Variants in TANC2 observed in about 807,000 individuals in gnomAD.
TANC2 encodes protein TANC2.
TANC2 carries 26 observed loss-of-function variants against 210.5 expected under a neutral mutation model. That is an observed-to-expected ratio of 0.12 (90% CI 0.09 to 0.17). The LOEUF (loss-of-function observed/expected upper bound fraction) is 0.17. TANC2 is among the 10% of genes least tolerant of loss of function. TANC2 has a pLI of 1.00. For missense variants in TANC2, 2,129 were observed against 2,608.9 expected, an observed-to-expected ratio of 0.82 and a Z score of 4.01; for synonymous variants, 931 against 967.1, an observed-to-expected ratio of 0.96 and a Z score of 0.69.
chr17:63,375,677 G>T (rs1266339021), intron 14 of TANC2, among the ~76,000 whole-genome samples: 1 of 152,230 alleles, frequency 6.6e-6, no homozygotes. Context: ...ACAGAATTTT[G>T]AGATCTTGAG....
intron 2 of TANC2, among the ~76,000 whole-genome samples, chr17:63,051,952 A>G (rs755613475): frequency 1.3e-5 from 2 of 152,164 alleles, no homozygotes; most frequent in Non-Finnish European, 2.9e-5. Context: ...TGGGTTTATC[A>G]AGACATAACC....
rs923656308 is a variant in TANC2 at position 63,184,655 on chromosome 17, C to T, written c.434-9336C>T. 5.0e-5 allele frequency among the ~76,000 whole-genome samples: 7 copies of T among 140,116 alleles called. No homozygotes were observed. In the East Asian group the frequency reaches 8.4e-4, roughly 17 times the overall value. The allele number at this position is 140,116 out of a possible 152,430, so 91.9% of individuals were successfully genotyped here. On this transcript the variant is annotated intron_variant, in intron 5 of 27. Transcript: ENST00000689528. ...TAAATAAAATCATTTAGTATGTATT[C>T]TTTTTTTTTTTTTTTGGAGATGGAG...
At chr17:63,044,894 C>G (rs2035320280) in intron 2 of TANC2, among the ~76,000 whole-genome samples, 1 of 151,830 alleles carries the variant, frequency 6.6e-6, no homozygotes, top group African/African-American at 2.4e-5. Context: ...TCTTTATATC[C>G]TTTATGCATT....
intron 11 of TANC2, among the ~76,000 whole-genome samples, chr17:63,326,668 T>C (rs1184371433): frequency 1.3e-5 from 2 of 152,138 alleles, no homozygotes; most frequent in East Asian, 3.9e-4. Flanking sequence ...AGGTATGGGC[T>C]GCAGTGAGCC....
chr17:63,206,846 A>G (rs186499881), intron 7 of TANC2, among the ~76,000 whole-genome samples: 1 of 152,358 alleles, frequency 6.6e-6, no homozygotes, highest in Admixed American at 6.5e-5. Context: ...CCCCTGAATT[A>G]TACACTTAAA....
At chr17:63,262,399 G>A (rs1425480950) in intron 8 of TANC2, among the ~76,000 whole-genome samples, 2 of 152,068 alleles carry the variant, frequency 1.3e-5, no homozygotes, top group Non-Finnish European at 2.9e-5. Flanking sequence ...TTGATGCCCC[G>A]GCTGGTCTTA....
At chr17:63,219,112 A>G (rs1270877442) in intron 7 of TANC2, among the ~76,000 whole-genome samples, 1 of 152,174 alleles carries the variant, frequency 6.6e-6, no homozygotes, top group East Asian at 1.9e-4. Flanking sequence ...AAATTAACAA[A>G]GATATGTGGG....
At chr17:63,103,525 T>G (rs1320234452) in intron 4 of TANC2, among the ~76,000 whole-genome samples, 7 of 152,188 alleles carry the variant, frequency 4.6e-5, no homozygotes, top group Admixed American at 4.6e-4. Context: ...CAGCTCTGAG[T>G]GTCACGTCAC....
intron 1 of TANC2, among the ~76,000 whole-genome samples, chr17:62,980,811 C>T (rs1300153940): frequency 6.6e-6 from 1 of 152,196 alleles, no homozygotes; most frequent in East Asian, 1.9e-4. Flanking sequence ...AGTCTTAATT[C>T]TTTCATCTCA....
chr17:63,100,313 CA>C (rs201329406), intron 4 of TANC2, among the ~76,000 whole-genome samples: 1,522 of 152,168 alleles, frequency 0.01, 9 homozygotes, highest in Non-Finnish European at 0.013. Flanking sequence ...AAAATAATAG[CA>C]TTTCTTCTAT....
At chr17:63,416,266 C>A (rs1004480451) in intron 26 of TANC2, among the ~76,000 whole-genome samples, 1 of 152,294 alleles carries the variant, frequency 6.6e-6, no homozygotes, top group Non-Finnish European at 1.5e-5. Flanking sequence ...ACCTTGCAGA[C>A]CCATCTCACA....
At chr17:63,150,530 C>T (rs769944336) in intron 4 of TANC2, 6 of 152,132 alleles carry the variant, frequency 3.9e-5, no homozygotes, top group Non-Finnish European at 5.9e-5. Flanking sequence ...GATTCCATGG[C>T]ATGAGATATT....
chr17:63,336,552 T>G (rs1464830044), intron 11 of TANC2, among the ~76,000 whole-genome samples: 1 of 152,250 alleles, frequency 6.6e-6, no homozygotes, highest in Non-Finnish European at 1.5e-5. Flanking sequence ...CAAGGCTGTA[T>G]TGACTTCTAG....
intron 5 of TANC2, among the ~76,000 whole-genome samples, chr17:63,171,948 C>T (rs1181135554): frequency 2.6e-5 from 4 of 152,136 alleles, no homozygotes; most frequent in African/African-American, 4.8e-5. Flanking sequence ...ACTTCCATTA[C>T]AATGAAGGGC....
intron 7 of TANC2, among the ~76,000 whole-genome samples, chr17:63,223,259 T>C (rs904049321): frequency 6.6e-6 from 1 of 152,190 alleles, no homozygotes; most frequent in Non-Finnish European, 1.5e-5. Context: ...ACCCCAAAAT[T>C]AGAGCTTAGC....
chr17:63,234,257 A>T (rs1440919679), intron 7 of TANC2, among the ~76,000 whole-genome samples: 1 of 152,196 alleles, frequency 6.6e-6, no homozygotes, highest in East Asian at 1.9e-4. Flanking sequence ...TAAACACTTC[A>T]CCAATACTGA....
intron 5 of TANC2, among the ~76,000 whole-genome samples, chr17:63,156,019 A>G (rs57863326): frequency 0.021 from 3,214 of 152,142 alleles, 105 homozygotes; most frequent in African/African-American, 0.072. Context: ...TCTTTCTTCC[A>G]TTTAAAAAAT....
intron 7 of TANC2, among the ~76,000 whole-genome samples, chr17:63,228,484 A>G (rs963860228): frequency 2.6e-5 from 4 of 152,136 alleles, no homozygotes; most frequent in African/African-American, 9.7e-5. Context: ...GTGATAGTTT[A>G]ATGGGAATGG....
At chr17:63,140,439 G>A (rs916421466) in intron 4 of TANC2, among the ~76,000 whole-genome samples, 2 of 152,168 alleles carry the variant, frequency 1.3e-5, no homozygotes, top group Non-Finnish European at 2.9e-5. Flanking sequence ...CTTCAATCTT[G>A]TAGTTTCACT....
Sources: allele counts gnomAD v4.1 joint callset (sites outside exome capture counted in the v4.1 genomes callset), GRCh38; gene constraint gnomAD v4.1.1; transcripts MANE v1.5; gene names NCBI Gene and HGNC (gene_info 2026-07-23, HGNC 2026-07-21).